The following MEMO1 variants were observed in gnomAD, a reference collection of about 807,000 sequenced individuals.
The protein encoded by MEMO1 is mediator of cell motility 1.
In MEMO1, 6 loss-of-function variants were observed where a neutral mutation model predicts 45.2. The observed-to-expected ratio is 0.13, with a 90% CI of 0.07 to 0.26. MEMO1 has a LOEUF of 0.26. MEMO1 is among the 10% of genes least tolerant of loss of function. The pLI, the probability that MEMO1 is intolerant of heterozygous loss-of-function variation, is 1.00. For missense variants in MEMO1, 184 were observed against 370.5 expected, an observed-to-expected ratio of 0.50 and a Z score of 4.13; for synonymous variants, 78 against 124.3, an observed-to-expected ratio of 0.63 and a Z score of 2.48.
chr2:31,948,304 T>A (rs989178198), intron 2 of MEMO1, among the ~76,000 whole-genome samples: 7 of 152,254 alleles, frequency 4.6e-5, no homozygotes, highest in African/African-American at 1.7e-4. Flanking sequence ...TCTACATATG[T>A]AATTTAAAGA....
chr2:32,006,549 C>A (rs571057785), intron 2 of MEMO1, among the ~76,000 whole-genome samples: 27 of 151,282 alleles, frequency 1.8e-4, no homozygotes, highest in African/African-American at 6.6e-4. Context: ...TTTTAAACAA[C>A]CCATTAAATA....
At chr2:31,923,433 T>A in intron 4 of MEMO1, 1 of 412,880 alleles carries the variant, frequency 2.4e-6, no homozygotes, top group East Asian at 4.1e-5. Context: ...ACCTCTATCA[T>A]CAATTCGAGA....
intron 4 of MEMO1, among the ~76,000 whole-genome samples, chr2:31,924,382 C>A (rs1198761306): frequency 6.6e-6 from 1 of 150,872 alleles, no homozygotes; most frequent in Non-Finnish European, 1.5e-5. Flanking sequence ...TATTTGACTG[C>A]AAGGTGCTTT....
At chr2:31,953,002 T>C (rs1040493671) in intron 2 of MEMO1, among the ~76,000 whole-genome samples, 1 of 152,190 alleles carries the variant, frequency 6.6e-6, no homozygotes, top group Non-Finnish European at 1.5e-5. Flanking sequence ...AATCACTGGG[T>C]TGTTTCCAAT....
chr2:31,953,739 G>T (rs1667109062), intron 2 of MEMO1, among the ~76,000 whole-genome samples: 1 of 152,060 alleles, frequency 6.6e-6, no homozygotes, highest in African/African-American at 2.4e-5. Context: ...TTACAGGTGT[G>T]AGCCACCGTG....
At chr2:31,989,575 T>C (rs1224909564) in intron 2 of MEMO1, among the ~76,000 whole-genome samples, 1 of 152,206 alleles carries the variant, frequency 6.6e-6, no homozygotes, top group Non-Finnish European at 1.5e-5. Flanking sequence ...ACTAGATTCA[T>C]AGATCTTAAT....
intron 6 of MEMO1, among the ~76,000 whole-genome samples, chr2:31,906,347 A>G (rs1419721885): frequency 7.0e-6 from 1 of 142,338 alleles, no homozygotes; most frequent in Non-Finnish European, 1.5e-5. Flanking sequence ...TTTTTGAGAT[A>G]GAGTCTCGCC....
intron 6 of MEMO1, among the ~76,000 whole-genome samples, chr2:31,896,377 A>C (rs1031470412): frequency 1.3e-5 from 2 of 152,338 alleles, no homozygotes; most frequent in East Asian, 3.9e-4. Flanking sequence ...ATTTTTTGAA[A>C]GGGGCCATTA....
At chr2:31,959,762 C>G (rs532479009) in intron 2 of MEMO1, among the ~76,000 whole-genome samples, 2 of 119,956 alleles carry the variant, frequency 1.7e-5, no homozygotes, top group Non-Finnish European at 3.4e-5. Flanking sequence ...TTATGAAACA[C>G]AACCTTGGGC....
intron 6 of MEMO1, among the ~76,000 whole-genome samples, chr2:31,892,896 C>A (rs1677178351): frequency 6.6e-6 from 1 of 151,950 alleles, no homozygotes; most frequent in Non-Finnish European, 1.5e-5. Flanking sequence ...CTATGATGAG[C>A]TATAGAAACA....
intron 8 of MEMO1, among the ~76,000 whole-genome samples, chr2:31,883,048 G>A (rs1461028893): frequency 6.6e-6 from 1 of 152,064 alleles, no homozygotes; most frequent in Non-Finnish European, 1.5e-5. Context: ...TAGAGTCAAG[G>A]TATCCCATCA....
intron 3 of MEMO1, among the ~76,000 whole-genome samples, chr2:31,934,790 A>G (rs995855761): frequency 6.6e-6 from 1 of 152,220 alleles, no homozygotes; most frequent in Non-Finnish European, 1.5e-5. Flanking sequence ...GCACTGGCAC[A>G]AACTAGCAAT....
At chr2:31,947,097 A>G (rs1364527330) in intron 2 of MEMO1, among the ~76,000 whole-genome samples, 2 of 152,142 alleles carry the variant, frequency 1.3e-5, no homozygotes, top group South Asian at 2.1e-4. Flanking sequence ...TCTCGAGTGC[A>G]TCCCTGTGAT....
intron 8 of MEMO1, among the ~76,000 whole-genome samples, chr2:31,876,693 C>A (rs1239400350): frequency 6.6e-6 from 1 of 152,100 alleles, no homozygotes; most frequent in Non-Finnish European, 1.5e-5. Flanking sequence ...TGCCCCACCC[C>A]CACCAAAAAC....
At chr2:32,009,988 G>C (rs972969980) in intron 2 of MEMO1, among the ~76,000 whole-genome samples, 199 bp downstream of exon 2, 7 of 150,480 alleles carry the variant, frequency 4.7e-5, no homozygotes, top group East Asian at 2.0e-4. Context: ...CTGCCGGCGC[G>C]GGATGCCCGC....
chr2:31,871,109 A>C (rs562808919), intron 8 of MEMO1, among the ~76,000 whole-genome samples: 1 of 152,322 alleles, frequency 6.6e-6, no homozygotes, highest in South Asian at 2.1e-4. Context: ...ACTTTAACTC[A>C]CCAAGTCGGG....
intron 2 of MEMO1, among the ~76,000 whole-genome samples, chr2:31,944,059 T>C (rs1444126392): frequency 2.0e-5 from 3 of 152,210 alleles, no homozygotes; most frequent in Admixed American, 2.0e-4. Flanking sequence ...TTCCTTGCTG[T>C]GGCCTCACTC....
intron 2 of MEMO1, chr2:31,963,350 A>G: frequency 7.9e-7 from 1 of 1,259,200 alleles, no homozygotes; most frequent in Non-Finnish European, 1.0e-6. Flanking sequence ...AGACACACAT[A>G]CCCTACTGGT....
At chr2:31,874,737 C>T (rs1674309302) in intron 8 of MEMO1, among the ~76,000 whole-genome samples, 3 of 151,836 alleles carry the variant, frequency 2.0e-5, no homozygotes, top group African/African-American at 4.8e-5. Context: ...TACAGAGAAC[C>T]ATCCAAGTAC....
Sources: allele counts gnomAD v4.1 joint callset (sites outside exome capture counted in the v4.1 genomes callset), GRCh38; gene constraint gnomAD v4.1.1; transcripts MANE v1.5; gene names NCBI Gene and HGNC (gene_info 2026-07-23, HGNC 2026-07-21).